NELL2: variants seen among roughly 807,000 people sequenced by gnomAD.
NELL2 encodes the protein neural EGFL like 2.
In NELL2, 41 loss-of-function variants were observed where a neutral mutation model predicts 109.6. That is an observed-to-expected ratio of 0.37 (90% CI 0.29 to 0.49). The LOEUF (loss-of-function observed/expected upper bound fraction) is 0.49, where lower values mean the gene tolerates loss of function less well. Ranked by LOEUF, NELL2 falls within the 20% of genes least tolerant of loss-of-function variation. The pLI is 0.98. For missense variants in NELL2, 900 were observed against 1,008.3 expected (o/e 0.89, Z 1.45); for synonymous variants, 355 against 344.7 (o/e 1.03, Z -0.33).
Position 44,587,952 on chromosome 12 carries a change from C to T in NELL2, c.1663+19217G>A, listed in dbSNP as rs372040475. On this transcript the variant is annotated intron_variant, in intron 15 of 19. Transcript: ENST00000429094. ...GGATCACGAGGTCAGGAGATAGAGACCATCCTGGCTAACATGGTGAAACCC... is the reference window on the plus strand; with the variant it reads ...GGATCACGAGGTCAGGAGATAGAGATCATCCTGGCTAACATGGTGAAACCC... 4.5e-4 allele frequency among the ~76,000 whole-genome samples: 69 copies of T among 152,186 alleles called. No homozygotes were observed. The South Asian group carries it at 0.011, about 24-fold the overall frequency.
At chr12:44,567,020 C>T (rs963126379) in intron 15 of NELL2, among the ~76,000 whole-genome samples, 6 of 152,082 alleles carry the variant, frequency 3.9e-5, no homozygotes, top group Non-Finnish European at 8.8e-5. Flanking sequence ...CCATGTTGGT[C>T]AGGCTGGTCT....
At chr12:44,909,121 G>T (rs1211083017) in intron 1 of NELL2, among the ~76,000 whole-genome samples, 1 of 151,498 alleles carries the variant, frequency 6.6e-6, no homozygotes, top group African/African-American at 2.4e-5. Flanking sequence ...ATCTAAATAG[G>T]AAAAAAAGAA....
At chr12:44,835,038 G>A (rs887570059) in intron 2 of NELL2, among the ~76,000 whole-genome samples, 9 of 152,136 alleles carry the variant, frequency 5.9e-5, no homozygotes, top group African/African-American at 2.2e-4. Flanking sequence ...AGAACAGGGA[G>A]GTCTCACAGT....
chr12:44,559,456 T>C lies in NELL2; in HGVS notation c.1664-26735A>G, dbSNP rs377701382. Among the ~76,000 whole-genome samples, 42 of 152,262 alleles carry C rather than the reference T, an allele frequency of 2.8e-4. 2 individuals carry two copies. The South Asian group carries it at 8.5e-3, about 31-fold the overall frequency. Reference sequence around the variant, plus strand: ...CCCATCTCACGTGCAAAGACACCCATAGCCTCAACATAAAGGGATGGAGGA... The same window carrying C: ...CCCATCTCACGTGCAAAGACACCCACAGCCTCAACATAAAGGGATGGAGGA... On this transcript the variant is annotated intron_variant, in intron 15 of 19. Transcript: ENST00000429094.
intron 15 of NELL2, among the ~76,000 whole-genome samples, chr12:44,589,036 GTACC>G (rs971245009): frequency 1.3e-5 from 2 of 152,154 alleles, no homozygotes; most frequent in Non-Finnish European, 2.9e-5. Flanking sequence ...ACCATAAGGG[GTACC>G]ATTAACTCCT....
chr12:44,523,843 T>C (rs1413498713), intron 16 of NELL2, among the ~76,000 whole-genome samples: 1 of 152,362 alleles, frequency 6.6e-6, no homozygotes, highest in South Asian at 2.1e-4. Context: ...GTGCCTATGA[T>C]ACTTTAATGG....
chr12:44,774,672 A>G (rs773729473), intron 9 of NELL2, 75 bp downstream of exon 9: 4 of 1,207,346 alleles, frequency 3.3e-6, no homozygotes, highest in Admixed American at 1.7e-5. Context: ...AGATTAAACC[A>G]ATGATGGGTG....
intron 15 of NELL2, among the ~76,000 whole-genome samples, chr12:44,540,744 G>T (rs940670151): frequency 3.4e-5 from 4 of 117,754 alleles, no homozygotes; most frequent in African/African-American, 6.7e-5. Context: ...TATAAAAACT[G>T]GCTCTTTTTT....
In NELL2 at chr12:44,815,966, ACT is replaced by A. The variant is rs752834584; in HGVS notation, c.335+18_335+19del. The A allele has an allele frequency of 1.8e-5, 28 of 1,598,232 alleles. No homozygotes were observed. The South Asian group carries it at 2.1e-4, about 12-fold the overall frequency. ...ACCACATATAATGAAAACACAGGAA[ACT>A]CCAGCAACCACATTTACCTGTGATC... On this transcript the variant is annotated intron_variant, in intron 3 of 19. Coordinates refer to ENST00000429094, the MANE Select transcript of NELL2 (RefSeq NM_001145108.2).
chr12:44,782,806 G>A (rs577910264), intron 3 of NELL2, among the ~76,000 whole-genome samples: 4 of 151,998 alleles, frequency 2.6e-5, no homozygotes, highest in South Asian at 2.1e-4. Flanking sequence ...AGTTGCAGAC[G>A]TCAACACCCC....
chr12:44,693,769 A>G (rs1329181242), intron 12 of NELL2, among the ~76,000 whole-genome samples: 2 of 152,234 alleles, frequency 1.3e-5, no homozygotes, highest in African/African-American at 4.8e-5. Context: ...TATGTCACTT[A>G]GTAGGGATTT....
intron 9 of NELL2, among the ~76,000 whole-genome samples, chr12:44,740,863 T>C (rs1939918048): frequency 6.6e-6 from 1 of 152,188 alleles, no homozygotes; most frequent in African/African-American, 2.4e-5. Flanking sequence ...AAACAGCACA[T>C]GGGTAATAGA....
intron 9 of NELL2, among the ~76,000 whole-genome samples, chr12:44,748,327 TG>T (rs1345718133): frequency 2.6e-5 from 4 of 152,186 alleles, no homozygotes; most frequent in Non-Finnish European, 5.9e-5. Flanking sequence ...ATAGTAGGTT[TG>T]CTTTTCTAAG....
intron 15 of NELL2, among the ~76,000 whole-genome samples, chr12:44,572,987 G>T (rs1326600164): frequency 6.6e-6 from 1 of 152,210 alleles, no homozygotes; most frequent in African/African-American, 2.4e-5. Flanking sequence ...GCTGATACTG[G>T]AAGAGAAGAG....
chr12:44,591,718 A>G (rs1013522910), intron 15 of NELL2, among the ~76,000 whole-genome samples: 22 of 152,180 alleles, frequency 1.4e-4, no homozygotes, highest in Non-Finnish European at 2.9e-4. Flanking sequence ...GATTATATTT[A>G]ATAATAATTT....
At chr12:44,804,582 GA>G (rs944668323) in intron 3 of NELL2, among the ~76,000 whole-genome samples, 1 of 151,686 alleles carries the variant, frequency 6.6e-6, no homozygotes. Context: ...GTAAACTGTA[GA>G]AAAAAATTAT....
chr12:44,524,164 C>A (rs1220460619), intron 16 of NELL2, among the ~76,000 whole-genome samples: 3 of 152,168 alleles, frequency 2.0e-5, no homozygotes, highest in Non-Finnish European at 4.4e-5. Flanking sequence ...ATCATTTTGT[C>A]CCCTGTCTAA....
intron 15 of NELL2, among the ~76,000 whole-genome samples, chr12:44,563,500 T>C (rs1442185152): frequency 6.6e-6 from 1 of 152,180 alleles, no homozygotes; most frequent in African/African-American, 2.4e-5. Flanking sequence ...TAGTAAGTCA[T>C]CATTCATCCA....
upstream of NELL2, among the ~76,000 whole-genome samples, chr12:44,878,433 C>T (rs866336770): frequency 1.5e-4 from 23 of 152,196 alleles, no homozygotes; most frequent in Admixed American, 3.9e-4. Context: ...CAGAGTTTCT[C>T]AACCTGGGCA....
Sources: gnomAD v4.1 joint callset for allele counts (sites outside exome capture counted in the v4.1 genomes callset) on GRCh38, gnomAD v4.1.1 for gene constraint, MANE v1.5 for transcripts, NCBI Gene and HGNC (gene_info 2026-07-23, HGNC 2026-07-21) for gene names.